Variants in RBFOX1 observed in about 807,000 individuals in gnomAD.
RBFOX1 encodes the protein RNA binding fox-1 homolog 1.
RBFOX1 carries 8 observed loss-of-function variants against 57.7 expected under a neutral mutation model. The ratio of observed to expected loss-of-function variants is 0.14; its 90% CI spans 0.08 to 0.25. The LOEUF (loss-of-function observed/expected upper bound fraction) is 0.25, where lower values mean the gene tolerates loss of function less well. RBFOX1 is among the 10% of genes least tolerant of loss of function. RBFOX1 has a pLI of 1.00. For missense variants in RBFOX1, 611 were observed against 548.5 expected, an observed-to-expected ratio of 1.11 and a Z score of -1.14; for synonymous variants, 326 against 222.4, an observed-to-expected ratio of 1.47 and a Z score of -4.15.
intron 1 of RBFOX1, among the ~76,000 whole-genome samples, chr16:6,029,771 T>TGA (rs2095261448): frequency 1.3e-4 from 1 of 7,904 alleles, no homozygotes; most frequent in South Asian, 4.6e-3. Flanking sequence ...AGACTCCGTC[T>TGA]CAAAAAAAAA....
At chr16:5,963,011 G>T (rs1261305398) in intron 4 of RBFOX1, among the ~76,000 whole-genome samples, 1 of 152,098 alleles carries the variant, frequency 6.6e-6, no homozygotes, top group South Asian at 2.1e-4. Context: ...AACTTAATAA[G>T]ATAGAATGGC....
chr16:6,446,165 G>C (rs987820385), intron 2 of RBFOX1, among the ~76,000 whole-genome samples: 1 of 152,146 alleles, frequency 6.6e-6, no homozygotes, highest in Admixed American at 6.6e-5. Flanking sequence ...TTTAAGCCTA[G>C]TTAATTTTCA....
chr16:7,043,900 T>C (rs542511596), intron 3 of RBFOX1, among the ~76,000 whole-genome samples: 1 of 152,336 alleles, frequency 6.6e-6, no homozygotes, highest in South Asian at 2.1e-4. Context: ...TTTCATTCTT[T>C]ACCTGGATAC....
chr16:5,566,864 C>G (rs1429760926), intron 2 of RBFOX1, among the ~76,000 whole-genome samples: 2 of 152,036 alleles, frequency 1.3e-5, no homozygotes, highest in Admixed American at 1.3e-4. Flanking sequence ...AATCAAATAG[C>G]CCATAATAAA....
intron 1 of RBFOX1, among the ~76,000 whole-genome samples, chr16:6,232,848 C>G (rs1038452473): frequency 4.4e-4 from 67 of 152,266 alleles, no homozygotes; most frequent in Middle Eastern, 6.8e-3. Context: ...GTTTGCAGGT[C>G]TGTTTAGTAG....
At chr16:7,000,576 TTTTTTCTTTC>T (rs1192541724) in intron 3 of RBFOX1, among the ~76,000 whole-genome samples, 46 of 122,614 alleles carry the variant, frequency 3.8e-4, no homozygotes, top group African/African-American at 1.5e-3. Context: ...TTTCTTTTCT[TTTTTTCTTTC>T]TTTTTCTTTC....
At chr16:5,834,212 C>T (rs2056377671) in intron 3 of RBFOX1, among the ~76,000 whole-genome samples, 1 of 152,150 alleles carries the variant, frequency 6.6e-6, no homozygotes, top group South Asian at 2.1e-4. Flanking sequence ...TTTTAGTGTA[C>T]TTCTCATCTG....
At chr16:6,751,836 C>T (rs1462422638) in intron 3 of RBFOX1, among the ~76,000 whole-genome samples, 1 of 152,122 alleles carries the variant, frequency 6.6e-6, no homozygotes, top group Non-Finnish European at 1.5e-5. Flanking sequence ...CTGTCTCTGA[C>T]CAGCTACAAT....
At chr16:6,782,231 T>C (rs964008586) in intron 3 of RBFOX1, among the ~76,000 whole-genome samples, 3 of 152,194 alleles carry the variant, frequency 2.0e-5, no homozygotes, top group African/African-American at 2.4e-5. Context: ...GATCTCTGTC[T>C]CTTGACCTCG....
At chr16:5,283,127 A>C (rs999457883) in intron 1 of RBFOX1, among the ~76,000 whole-genome samples, 3 of 152,218 alleles carry the variant, frequency 2.0e-5, no homozygotes, top group African/African-American at 7.2e-5. Flanking sequence ...AGCAGCTTTC[A>C]CATAGTGTTG....
At chr16:5,304,195 CTG>C (rs1400052797) in intron 1 of RBFOX1, among the ~76,000 whole-genome samples, 3 of 152,214 alleles carry the variant, frequency 2.0e-5, no homozygotes, top group African/African-American at 7.2e-5. Context: ...TTATTGGAAT[CTG>C]TAGCTCACAA....
intron 3 of RBFOX1, among the ~76,000 whole-genome samples, chr16:5,845,471 C>G (rs1597466965): frequency 1.3e-5 from 2 of 152,270 alleles, no homozygotes; most frequent in East Asian, 1.9e-4. Context: ...AAGTCCTCAT[C>G]CAACCCAGCT....
intron 4 of RBFOX1, among the ~76,000 whole-genome samples, chr16:7,419,909 TTTTC>T (rs1196515389): frequency 6.8e-6 from 1 of 147,532 alleles, no homozygotes; most frequent in East Asian, 2.1e-4. Flanking sequence ...AAAGGATCTG[TTTTC>T]TTTCTTTCTT....
At chr16:6,418,383 C>T (rs552043421) in intron 2 of RBFOX1, among the ~76,000 whole-genome samples, 1 of 151,978 alleles carries the variant, frequency 6.6e-6, no homozygotes, top group Non-Finnish European at 1.5e-5. Context: ...ATAAGAGCTG[C>T]TATTTGGGGA....
At chr16:5,600,393 G>A (rs1345807562), downstream of RBFOX1, among the ~76,000 whole-genome samples, 3 of 151,358 alleles carry the variant, frequency 2.0e-5, no homozygotes, top group African/African-American at 4.9e-5. Context: ...GGCTGAGGTG[G>A]GAGGATTGCT....
intron 1 of RBFOX1, among the ~76,000 whole-genome samples, chr16:5,285,428 C>T (rs571939898): frequency 2.6e-5 from 4 of 152,154 alleles, no homozygotes; most frequent in African/African-American, 9.6e-5. Flanking sequence ...TGTCATTATT[C>T]TGAAAATTTT....
In RBFOX1 at chr16:6,462,455, G is replaced by A. The variant is rs117255405; in HGVS notation, c.-64+145398G>A. ...CTTACTCCTTTTACATATCTGCATA[G>A]TATTCCATAGTATGGATGCGTCACT... On this transcript the variant is annotated intron_variant, in intron 2 of 15. Coordinates refer to ENST00000550418, the MANE Select transcript of RBFOX1 (RefSeq NM_018723.4). 5.5e-3 allele frequency among the ~76,000 whole-genome samples: 831 copies of A among 152,278 alleles called. 3 individuals are homozygous for A. The highest frequency in any genetic ancestry group is 9.2e-3 in the Non-Finnish European group (624 of 68,030).
chr16:7,077,280 C>G (rs1158418485), intron 4 of RBFOX1, among the ~76,000 whole-genome samples: 1 of 152,200 alleles, frequency 6.6e-6, no homozygotes, highest in Non-Finnish European at 1.5e-5. Context: ...GCCCCACTGT[C>G]TCAAAGTACA....
chr16:7,426,566 A>C (rs756518299), intron 4 of RBFOX1, among the ~76,000 whole-genome samples: 19 of 152,330 alleles, frequency 1.2e-4, no homozygotes, highest in Non-Finnish European at 2.6e-4. Context: ...GTTGTTCTTC[A>C]AACCAAATAG....
Sources: gnomAD v4.1 joint callset for allele counts (sites outside exome capture counted in the v4.1 genomes callset) on GRCh38, gnomAD v4.1.1 for gene constraint, MANE v1.5 for transcripts, NCBI Gene and HGNC (gene_info 2026-07-23, HGNC 2026-07-21) for gene names.